The following ADGRV1 variants were observed in gnomAD, a reference collection of about 807,000 sequenced individuals.
ADGRV1 encodes the protein G-protein coupled receptor 98.
ADGRV1 carries 359 observed loss-of-function variants against 596.2 expected under a neutral mutation model. The ratio of observed to expected loss-of-function variants is 0.60; its 90% CI spans 0.55 to 0.66. The LOEUF is 0.66. Ranked by LOEUF, ADGRV1 falls within the 30% of genes least tolerant of loss-of-function variation. The pLI is 0.00. For missense variants in ADGRV1, 7,274 were observed against 7,575.6 expected, an observed-to-expected ratio of 0.96 and a Z score of 1.48; for synonymous variants, 2,681 against 2,679.2, an observed-to-expected ratio of 1.00 and a Z score of -0.02.
chr5:90,851,104 T>TGA, intron 79 of ADGRV1, among the ~76,000 whole-genome samples: 21 of 78,804 alleles, frequency 2.7e-4, no homozygotes, highest in Non-Finnish European at 5.2e-4. Context: ...CTAGGTAGGG[T>TGA]GTGTGTGTGT....
At position 91,070,072 on chromosome 5, in the gene ADGRV1, G is replaced by A. The variant is rs778837555; in HGVS notation, c.18153-2375G>A. On this transcript the variant is annotated intron_variant, in intron 85 of 89. Transcript: ENST00000405460. ...AGCTAAGCATTGGGTACTCTTGGACGTAAAGATGGCAACAGTCACTGGAAA... is the reference window on the plus strand; with the variant it reads ...AGCTAAGCATTGGGTACTCTTGGACATAAAGATGGCAACAGTCACTGGAAA... Among the ~76,000 whole-genome samples, 20 of 152,258 alleles carry A rather than the reference G, an allele frequency of 1.3e-4. No individual in the cohort carries two copies. In the Middle Eastern group the frequency reaches 0.01, roughly 78 times the overall value.
chr5:90,721,025 G>C lies in ADGRV1; in HGVS notation c.9714G>C (p.Gln3238His). Residue 3238 changes from glutamine (Q) to histidine (H), a missense_variant, in exon 45 of 90, where the codon CAG becomes CAC. By Grantham distance (24) the Gln-to-His change is conservative. Around this residue, in one of 5 missense-constraint regions of ADGRV1, gnomAD observed 3,643 missense variants for 3,809.2 expected, o/e 0.96. Coordinates refer to ENST00000405460, the MANE Select transcript of ADGRV1 (RefSeq NM_032119.4). Reference protein sequence around the residue: ...TNGIDLAVSVQWETVSETAFG... With the variant: ...TNGIDLAVSVHWETVSETAFG... ...GCATTGATTTGGCTGTGAGTGTGCA[G>C]TGGGAGACAGTATCTGAAACAGCCT... The C allele has an allele frequency of 6.2e-7, 1 of 1,612,646 alleles. No homozygotes were observed.
chr5:90,987,794 T>C (rs1050187480), intron 85 of ADGRV1, among the ~76,000 whole-genome samples: 3 of 152,086 alleles, frequency 2.0e-5, no homozygotes, highest in Non-Finnish European at 4.4e-5. Context: ...TTCTAGGCTC[T>C]TCCCTAGAAG....
At chr5:90,751,747 T>G (rs1755281834) in intron 53 of ADGRV1, among the ~76,000 whole-genome samples, 1 of 152,218 alleles carries the variant, frequency 6.6e-6, no homozygotes, top group Non-Finnish European at 1.5e-5. Flanking sequence ...GACAGGTATA[T>G]ATCATGGTTC....
chr5:91,142,104 A>G (rs572921011), intron 87 of ADGRV1, among the ~76,000 whole-genome samples: 1 of 152,250 alleles, frequency 6.6e-6, no homozygotes, highest in South Asian at 2.1e-4. Context: ...CTACTGAAAT[A>G]CCTAGCTATA....
chr5:90,650,661 G>C (rs1003384897), intron 17 of ADGRV1, among the ~76,000 whole-genome samples: 3 of 152,102 alleles, frequency 2.0e-5, no homozygotes, highest in African/African-American at 7.2e-5. Context: ...CTAGGGCATG[G>C]AATTGAATAA....
chr5:90,599,790 T>A (rs539844508), intron 1 of ADGRV1, among the ~76,000 whole-genome samples: 1 of 152,316 alleles, frequency 6.6e-6, no homozygotes, highest in Admixed American at 6.5e-5. Flanking sequence ...GTAAAGTCAT[T>A]GGCTTCAAAC....
chr5:91,100,295 G>A (rs1791260298), intron 86 of ADGRV1, among the ~76,000 whole-genome samples: 1 of 152,070 alleles, frequency 6.6e-6, no homozygotes, highest in Non-Finnish European at 1.5e-5. Context: ...GGTGGCATGC[G>A]CCTATAGTTT....
At chr5:90,744,461 A>G (rs1030987823) in intron 50 of ADGRV1, among the ~76,000 whole-genome samples, 1 of 152,208 alleles carries the variant, frequency 6.6e-6, no homozygotes, top group Non-Finnish European at 1.5e-5. Flanking sequence ...TAATAATTAA[A>G]TATACAATAA....
In ADGRV1 at chr5:91,150,009, CTTT is replaced by C. The variant is rs35858094; in HGVS notation, c.18433-7_18433-5del. 6.2e-4 allele frequency: 800 copies of C among 1,285,744 alleles called. No individual in the cohort carries two copies. Among genetic ancestry groups the C allele is most frequent in the South Asian group, 1.2e-3 (77 of 62,204 alleles). The allele number at this position is 1,285,744 out of a possible 1,614,324, so 79.6% of individuals were successfully genotyped here. On this transcript the variant is annotated intron_variant, in intron 87 of 89. Coordinates refer to ENST00000405460, the MANE Select transcript of ADGRV1 (RefSeq NM_032119.4). ...GTTCTTTTTCTTTTTCTTTTCTTTT[CTTT>C]TTTTTTTTTTTTTGCAGGGACTTTA...
At chr5:90,915,630 G>A (rs766485348) in intron 83 of ADGRV1, among the ~76,000 whole-genome samples, 1 of 152,142 alleles carries the variant, frequency 6.6e-6, no homozygotes, top group African/African-American at 2.4e-5. Context: ...TACACATCAA[G>A]TTCTAAAATT....
At chr5:90,689,594 C>G (rs1746196765) in intron 29 of ADGRV1, among the ~76,000 whole-genome samples, 1 of 151,828 alleles carries the variant, frequency 6.6e-6, no homozygotes, top group African/African-American at 2.4e-5. Context: ...TATAAATAGA[C>G]CAAATAGATA....
At chr5:91,003,820 G>T (rs760709984) in intron 85 of ADGRV1, among the ~76,000 whole-genome samples, 35 of 152,230 alleles carry the variant, frequency 2.3e-4, no homozygotes, top group Non-Finnish European at 4.0e-4. Context: ...ATGGGTACAT[G>T]TATTCTTCCC....
chr5:90,641,208 T>A (rs1346495280), intron 11 of ADGRV1, among the ~76,000 whole-genome samples: 1 of 152,214 alleles, frequency 6.6e-6, no homozygotes, highest in Non-Finnish European at 1.5e-5. Context: ...GTGCTGTACT[T>A]CTGAAATTTT....
At chr5:90,638,327 AC>A (rs1217483702) in intron 11 of ADGRV1, among the ~76,000 whole-genome samples, 5 of 152,096 alleles carry the variant, frequency 3.3e-5, no homozygotes, top group Admixed American at 1.3e-4. Context: ...AGAAGAGAGG[AC>A]TAGAGCTTGT....
intron 1 of ADGRV1, among the ~76,000 whole-genome samples, chr5:90,571,992 T>C (rs1185103800): frequency 6.6e-6 from 1 of 152,168 alleles, no homozygotes; most frequent in Non-Finnish European, 1.5e-5. Flanking sequence ...ATTATTTTTA[T>C]GGAGCAGAGG....
intron 85 of ADGRV1, among the ~76,000 whole-genome samples, chr5:91,011,620 AC>A (rs991100269): frequency 1.4e-4 from 22 of 151,946 alleles, no homozygotes; most frequent in African/African-American, 4.8e-4. Flanking sequence ...AATCTATAAA[AC>A]TAGAAAATGG....
chr5:90,697,164 T>A lies in ADGRV1; in HGVS notation c.8155+18T>A. ...TCATGAAGGTGGGTTCCTTTTTTTG[T>A]TAAGCATATTCATTTTCTTTTCTAT... On this transcript the variant is annotated intron_variant, in intron 34 of 89. Coordinates refer to ENST00000405460, the MANE Select transcript of ADGRV1 (RefSeq NM_032119.4). 6.3e-7 allele frequency: 1 copy of A among 1,596,722 alleles called. No individual in the cohort carries two copies. Among genetic ancestry groups the A allele is most frequent in the East Asian group, 2.2e-5 (1 of 44,740 alleles).
At chr5:90,825,505 G>A (rs1763998580) in intron 76 of ADGRV1, among the ~76,000 whole-genome samples, 1 of 152,030 alleles carries the variant, frequency 6.6e-6, no homozygotes, top group South Asian at 2.1e-4. Context: ...ATATTATATT[G>A]TGCATTTTAT....
Sources: allele counts gnomAD v4.1 joint callset (sites outside exome capture counted in the v4.1 genomes callset), GRCh38; gene constraint gnomAD v4.1.1; regional missense constraint gnomAD v4.1.1; transcripts MANE v1.5; gene names NCBI Gene and HGNC (gene_info 2026-07-23, HGNC 2026-07-21).